SYCP2L: variants seen among roughly 807,000 people sequenced by gnomAD.
SYCP2L encodes the protein synaptonemal complex protein 2 like, also known as synaptonemal complex protein 2-like.
Under a neutral mutation model 125.8 loss-of-function variants are expected in SYCP2L, and 98 were observed. The ratio of observed to expected loss-of-function variants is 0.78; its 90% CI spans 0.66 to 0.92. The LOEUF is 0.92. Ranked by LOEUF, SYCP2L falls within the 40% of genes least tolerant of loss-of-function variation. The pLI, the probability that SYCP2L is intolerant of heterozygous loss-of-function variation, is 0.00. For missense variants in SYCP2L, 842 were observed against 936.4 expected (o/e 0.90, Z 1.32); for synonymous variants, 317 against 325.4 (o/e 0.97, Z 0.28).
chr6:10,946,327 T>C lies in SYCP2L; in HGVS notation c.1954+3581T>C, dbSNP rs183196620. Reference sequence around the variant, plus strand: ...AGCCTAAATTTAATCTAGTGTTACTTTTCCATAACGTGTAAATTTCTAAGC... The same window carrying C: ...AGCCTAAATTTAATCTAGTGTTACTCTTCCATAACGTGTAAATTTCTAAGC... On this transcript the variant is annotated intron_variant, in intron 23 of 29. Transcript: ENST00000283141. Among the ~76,000 whole-genome samples, 207 of 152,280 alleles carry C rather than the reference T, an allele frequency of 1.4e-3. 4 individuals carry two copies. The highest frequency in any genetic ancestry group is 7.9e-3 in the South Asian group (38 of 4,828).
chr6:10,890,821 TG>T, intron 1 of SYCP2L, among the ~76,000 whole-genome samples: 1 of 152,168 alleles, frequency 6.6e-6, no homozygotes, highest in Admixed American at 6.5e-5. Context: ...GGATCTTAAG[TG>T]TAAGCTTTTA....
chr6:10,910,538 G>A (rs1581822366), intron 11 of SYCP2L, among the ~76,000 whole-genome samples: 1 of 152,282 alleles, frequency 6.6e-6, no homozygotes, highest in East Asian at 1.9e-4. Context: ...GAACAGTTAA[G>A]TCCTTGGTCA....
At chr6:10,964,605 A>G (rs2113424521) in intron 29 of SYCP2L, among the ~76,000 whole-genome samples, 1 of 152,302 alleles carries the variant, frequency 6.6e-6, no homozygotes, top group Admixed American at 6.5e-5. Context: ...AATTTAAAAA[A>G]TTTGGATATC....
chr6:10,890,200 C>G (rs1189593581), intron 1 of SYCP2L, among the ~76,000 whole-genome samples: 2 of 152,132 alleles, frequency 1.3e-5, no homozygotes, highest in Admixed American at 1.3e-4. Flanking sequence ...CTTTGACATA[C>G]TGATTTCTTT....
At chr6:10,919,013 C>T (rs558208112) in intron 14 of SYCP2L, among the ~76,000 whole-genome samples, 1 of 152,254 alleles carries the variant, frequency 6.6e-6, no homozygotes, top group South Asian at 2.1e-4. Context: ...CATTGGGCTT[C>T]ACCTTTCTCT....
Position 10,930,416 on chromosome 6 carries a change from C to G in SYCP2L, c.1535C>G (p.Ser512Ter). ...KHLFSESNQD[S>*]STSELSWTSN... ...CTCTTCTCTGAGAGTAATCAAGATTCAAGTACCAGTGAACTATCTTGGACC... is the reference window on the plus strand; with the variant it reads ...CTCTTCTCTGAGAGTAATCAAGATTGAAGTACCAGTGAACTATCTTGGACC... The change falls in exon 19 of 30, where the codon TCA becomes TGA. Residue 512 changes from serine (S) to a stop codon, truncating the protein, a stop_gained. Transcript: ENST00000283141. LOFTEE classifies it high-confidence loss of function. The G allele has an allele frequency of 6.2e-7, 1 of 1,613,640 alleles. No homozygotes were observed. The highest frequency in any genetic ancestry group is 8.5e-7 in the Non-Finnish European group (1 of 1,179,758).
intron 5 of SYCP2L, 41 bp downstream of exon 5, chr6:10,898,156 G>A: frequency 7.4e-7 from 1 of 1,343,766 alleles, no homozygotes; most frequent in Non-Finnish European, 1.1e-6. Flanking sequence ...GATGCCATTG[G>A]TAATTGGCAG....
chr6:10,943,040 A>G (rs1314268929), intron 23 of SYCP2L, among the ~76,000 whole-genome samples: 1 of 152,172 alleles, frequency 6.6e-6, no homozygotes, highest in Non-Finnish European at 1.5e-5. Flanking sequence ...AGAGGAGGGC[A>G]CAGTGGCGGT....
intron 23 of SYCP2L, among the ~76,000 whole-genome samples, chr6:10,948,520 A>G (rs1490112729): frequency 6.6e-6 from 1 of 152,152 alleles, no homozygotes; most frequent in Non-Finnish European, 1.5e-5. Context: ...AATTATATCA[A>G]TAGGTATTAT....
chr6:10,898,195 T>C (rs1780292244), intron 5 of SYCP2L, 80 bp downstream of exon 5: 1 of 1,071,500 alleles, frequency 9.3e-7, no homozygotes, highest in South Asian at 1.3e-5. Flanking sequence ...TAAAACATGG[T>C]TTTCTATAAT....
chr6:10,935,307 C>T, intron 21 of SYCP2L, 120 bp downstream of exon 21: 2 of 1,068,720 alleles, frequency 1.9e-6, no homozygotes, highest in Non-Finnish European at 2.7e-6. Context: ...TAACATTGTT[C>T]TTTACCTTAA....
At chr6:10,895,361 C>A (rs188160558) in intron 4 of SYCP2L, among the ~76,000 whole-genome samples, 6 of 152,276 alleles carry the variant, frequency 3.9e-5, no homozygotes, top group Non-Finnish European at 5.9e-5. Context: ...TTATTCCTGA[C>A]GCAAGTCCTG....
chr6:10,959,012 C>T (rs1454552717), intron 26 of SYCP2L, 137 bp downstream of exon 26: 3 of 718,894 alleles, frequency 4.2e-6, no homozygotes, highest in Non-Finnish European at 7.0e-6. Context: ...TTTAACCCTT[C>T]TGGGTTTCCG....
Position 10,958,887 on chromosome 6 carries a change from GT to G in SYCP2L, c.2255+15del, listed in dbSNP as rs764292286. 66 of 1,612,306 alleles carry G rather than the reference GT, an allele frequency of 4.1e-5. No homozygotes were observed. Among genetic ancestry groups the G allele is most frequent in the Non-Finnish European group, 4.6e-5 (54 of 1,178,644 alleles). On this transcript the variant is annotated intron_variant, in intron 26 of 29. Coordinates refer to ENST00000283141, the MANE Select transcript of SYCP2L (RefSeq NM_001040274.3). ...ATGCAACTGTTCAGGTAAGTTTTAG[GT>G]TTCAAAACAAGGTCGTGGAAGTGTG...
intron 29 of SYCP2L, among the ~76,000 whole-genome samples, chr6:10,969,882 A>G (rs1781743075): frequency 6.6e-6 from 1 of 152,022 alleles, no homozygotes; most frequent in Non-Finnish European, 1.5e-5. Context: ...AAAGTAGCAT[A>G]TATAACATGA....
chr6:10,943,314 C>T (rs375334295), intron 23 of SYCP2L, among the ~76,000 whole-genome samples: 2 of 151,934 alleles, frequency 1.3e-5, no homozygotes, highest in African/African-American at 2.4e-5. Context: ...AATTACGTAT[C>T]GAAAGGATTC....
At chr6:10,936,064 T>C (rs76011619) in intron 21 of SYCP2L, among the ~76,000 whole-genome samples, 2,828 of 152,296 alleles carry the variant, frequency 0.019, 89 homozygotes, top group African/African-American at 0.065. Flanking sequence ...ATATTAATAT[T>C]GTTCATTATT....
intron 29 of SYCP2L, among the ~76,000 whole-genome samples, chr6:10,965,599 A>C (rs1781664149): frequency 6.6e-6 from 1 of 152,212 alleles, no homozygotes. Context: ...GAAGAGAGAG[A>C]CAAAGTTGTC....
At chr6:10,923,683 C>CTTTTTTTTTTTTTTTTT (rs372980518) in intron 14 of SYCP2L, among the ~76,000 whole-genome samples, 1 of 122,348 alleles carries the variant, frequency 8.2e-6, no homozygotes, top group Non-Finnish European at 1.6e-5. Context: ...TTTTCTTTTT[C>CTTTTTTTTTTTTTTTTT]TTTTTTTTTT....
Sources: gnomAD v4.1 joint callset for allele counts (sites outside exome capture counted in the v4.1 genomes callset) on GRCh38, gnomAD v4.1.1 for gene constraint, MANE v1.5 for transcripts, NCBI Gene and HGNC (gene_info 2026-07-23, HGNC 2026-07-21) for gene names.